Variants in KCNAB1 observed in about 807,000 individuals in gnomAD.
KCNAB1 encodes the protein voltage-gated potassium channel subunit beta-1.
KCNAB1 carries 35 observed loss-of-function variants against 64.6 expected under a neutral mutation model. The ratio of observed to expected loss-of-function variants is 0.54; its 90% confidence interval spans 0.41 to 0.72. The LOEUF is 0.72. KCNAB1 is among the 30% of genes least tolerant of loss of function. KCNAB1 has a pLI of 0.00. For synonymous variants in KCNAB1, 177 were observed against 183.8 expected (o/e 0.96, Z 0.30); for missense variants, 401 against 512.9 (o/e 0.78, Z 2.11).
chr3:156,120,533 G>A (rs1713273200), upstream of KCNAB1: 4 of 1,527,764 alleles, frequency 2.6e-6, no homozygotes, highest in African/African-American at 5.5e-5. Flanking sequence ...AGGGACGAGG[G>A]AGGGAGGCAG....
At chr3:156,310,369 G>A (rs1721807662) in intron 1 of KCNAB1, among the ~76,000 whole-genome samples, 1 of 152,132 alleles carries the variant, frequency 6.6e-6, no homozygotes, top group South Asian at 2.1e-4. Context: ...TGGGGCAAAG[G>A]CATAAGTATG....
chr3:156,412,115 CAAAT>C (rs1308003810), intron 1 of KCNAB1, among the ~76,000 whole-genome samples: 1 of 152,014 alleles, frequency 6.6e-6, no homozygotes, highest in African/African-American at 2.4e-5. Flanking sequence ...AATTTATAAA[CAAAT>C]ACTTCATTTT....
intron 1 of KCNAB1, among the ~76,000 whole-genome samples, chr3:156,282,433 G>A (rs1412972599): frequency 6.7e-6 from 1 of 149,216 alleles, no homozygotes; most frequent in Non-Finnish European, 1.5e-5. Context: ...TGAAAAAAAT[G>A]TATATTCTGT....
chr3:156,312,723 A>C (rs945910267), intron 1 of KCNAB1, among the ~76,000 whole-genome samples: 2 of 151,038 alleles, frequency 1.3e-5, no homozygotes, highest in South Asian at 2.1e-4. Context: ...AAAAAAAAAA[A>C]AAAAAAAACT....
At chr3:156,319,919 T>C (rs1412145437) in intron 1 of KCNAB1, among the ~76,000 whole-genome samples, 2 of 152,214 alleles carry the variant, frequency 1.3e-5, no homozygotes, top group Admixed American at 6.5e-5. Flanking sequence ...CAAGTAAGTA[T>C]ACCATCTGCT....
At chr3:156,409,418 G>T (rs1714482780) in intron 1 of KCNAB1, among the ~76,000 whole-genome samples, 1 of 152,184 alleles carries the variant, frequency 6.6e-6, no homozygotes, top group South Asian at 2.1e-4. Flanking sequence ...AAAACTATTT[G>T]CAGTAGTAAA....
intron 10 of KCNAB1, among the ~76,000 whole-genome samples, chr3:156,515,752 G>C (rs905778220): frequency 6.6e-6 from 1 of 151,948 alleles, no homozygotes; most frequent in African/African-American, 2.4e-5. Flanking sequence ...TAGACATTAG[G>C]AAAAGATGAA....
chr3:156,247,071 A>G (rs893753747), intron 1 of KCNAB1, among the ~76,000 whole-genome samples: 3 of 152,176 alleles, frequency 2.0e-5, no homozygotes, highest in Admixed American at 6.5e-5. Flanking sequence ...TGACTGGGAA[A>G]AAAAAACTAG....
intron 1 of KCNAB1, among the ~76,000 whole-genome samples, chr3:156,255,537 C>G (rs1485441752): frequency 1.3e-5 from 2 of 152,164 alleles, no homozygotes; most frequent in Non-Finnish European, 2.9e-5. Flanking sequence ...GCTCCATCTT[C>G]CTCTTACACT....
chr3:156,323,610 G>A (rs1176164733), intron 1 of KCNAB1, among the ~76,000 whole-genome samples: 1 of 152,156 alleles, frequency 6.6e-6, no homozygotes, highest in Admixed American at 6.6e-5. Context: ...TCTGAAGAGA[G>A]GATGTGAGGT....
intron 1 of KCNAB1, among the ~76,000 whole-genome samples, chr3:156,407,916 C>T (rs1429995123): frequency 1.3e-5 from 2 of 152,162 alleles, no homozygotes; most frequent in African/African-American, 2.4e-5. Context: ...TGTTAATTTC[C>T]TTCTGCTCTA....
At chr3:156,464,841 G>A (rs1276302412) in intron 6 of KCNAB1, among the ~76,000 whole-genome samples, 3 of 152,048 alleles carry the variant, frequency 2.0e-5, no homozygotes, top group Admixed American at 6.6e-5. Context: ...CAGTGCTTTC[G>A]AAATGCTACA....
intron 1 of KCNAB1, among the ~76,000 whole-genome samples, chr3:156,208,102 C>T (rs1334653134): frequency 6.6e-6 from 1 of 152,106 alleles, no homozygotes; most frequent in Non-Finnish European, 1.5e-5. Flanking sequence ...ATTGGCAGAA[C>T]TACCAGATTC....
intron 1 of KCNAB1, among the ~76,000 whole-genome samples, chr3:156,354,837 A>T (rs115245535): frequency 6.6e-6 from 1 of 152,176 alleles, no homozygotes; most frequent in Non-Finnish European, 1.5e-5. Flanking sequence ...ACAACTTGCA[A>T]TGTATCTGGT....
intron 1 of KCNAB1, among the ~76,000 whole-genome samples, chr3:156,320,886 C>T (rs538694917): frequency 5.9e-5 from 9 of 151,786 alleles, no homozygotes; most frequent in African/African-American, 1.7e-4. Flanking sequence ...AGTGCCTGGC[C>T]CAGCACAAGT....
chr3:156,126,984 T>C (rs889088896), intron 1 of KCNAB1, among the ~76,000 whole-genome samples: 1 of 152,186 alleles, frequency 6.6e-6, no homozygotes, highest in Admixed American at 6.5e-5. Context: ...TAGGGATGCC[T>C]CTCTTTTCTG....
intron 1 of KCNAB1, among the ~76,000 whole-genome samples, chr3:156,138,931 C>T (rs115603169): frequency 0.016 from 2,478 of 152,238 alleles, 46 homozygotes; most frequent in Non-Finnish European, 0.019. Context: ...ATCAGCAGGA[C>T]GGGGCAGGCA....
At chr3:156,441,353 A>G (rs543128644) in intron 2 of KCNAB1, 5 of 152,310 alleles carry the variant, frequency 3.3e-5, no homozygotes, top group African/African-American at 1.2e-4. Flanking sequence ...GACAAAAGAA[A>G]GCATAAAAGA....
intron 11 of KCNAB1, 52 bp downstream of exon 11, chr3:156,516,416 A>G (rs750681019): frequency 7.6e-7 from 1 of 1,319,922 alleles, no homozygotes; most frequent in South Asian, 1.2e-5. Context: ...GGAGGGAAGA[A>G]GGTTGGTAAG....
Sources: allele counts gnomAD v4.1 joint callset (sites outside exome capture counted in the v4.1 genomes callset), GRCh38; gene constraint gnomAD v4.1.1; transcripts MANE v1.5; gene names NCBI Gene and HGNC (gene_info 2026-07-23, HGNC 2026-07-21).